The following SULT6B1 variants were observed in gnomAD, a reference collection of about 807,000 sequenced individuals.
SULT6B1 encodes the protein sulfotransferase 6B1.
A neutral mutation model predicts 37.2 loss-of-function variants in SULT6B1; 44 were observed. That is an observed-to-expected ratio of 1.18 (90% CI 0.93 to 1.52). The LOEUF (loss-of-function observed/expected upper bound fraction) is 1.52, where lower values mean the gene tolerates loss of function less well. Ranked by LOEUF, SULT6B1 falls within the 40% of genes most tolerant of loss-of-function variation. The pLI, the probability that SULT6B1 is intolerant of heterozygous loss-of-function variation, is 0.00. For missense variants in SULT6B1, 450 were observed against 361.0 expected, an observed-to-expected ratio of 1.25 and a Z score of -2.00; for synonymous variants, 140 against 126.0, an observed-to-expected ratio of 1.11 and a Z score of -0.74.
intron 5 of SULT6B1, among the ~76,000 whole-genome samples, chr2:37,172,090 C>G (rs1406412107): frequency 1.3e-5 from 2 of 150,528 alleles, no homozygotes; most frequent in African/African-American, 2.5e-5. Context: ...CTCTGCTGCC[C>G]AGACTAGAGT....
chr2:37,191,227 T>C (rs1676772997), upstream of SULT6B1: 1 of 123,646 alleles, frequency 8.1e-6, no homozygotes. Context: ...TTACCTGCTA[T>C]GAGAAACAAG....
chr2:37,186,525 A>G lies in SULT6B1; in HGVS notation c.312+830T>C, dbSNP rs542467011. Among the ~76,000 whole-genome samples the G allele has an allele frequency of 1.4e-4, 21 of 152,178 alleles. No individual in the cohort carries two copies. In the South Asian group the frequency reaches 4.4e-3, roughly 32 times the overall value. ...TCCCCTTCACACACATCAGTGGCGTACTCTCTGAGCTAATGCTTGATTCCT... is the reference window on the plus strand; with the variant it reads ...TCCCCTTCACACACATCAGTGGCGTGCTCTCTGAGCTAATGCTTGATTCCT... On this transcript the variant is annotated intron_variant, in intron 2 of 6. Coordinates refer to ENST00000535679, the MANE Select transcript of SULT6B1 (RefSeq NM_001367551.1).
upstream of SULT6B1, among the ~76,000 whole-genome samples, chr2:37,188,894 T>A (rs868340523): frequency 4.6e-5 from 7 of 152,138 alleles, no homozygotes; most frequent in African/African-American, 1.7e-4. Flanking sequence ...ACCTGCCCAA[T>A]GAAAGTAAGA....
intron 6 of SULT6B1, among the ~76,000 whole-genome samples, chr2:37,170,602 C>G (rs984399129): frequency 6.6e-6 from 1 of 151,676 alleles, no homozygotes. Context: ...AACCCTGTCT[C>G]TATTAAAAAT....
At chr2:37,187,332 G>A (rs749443681) in intron 2 of SULT6B1, 23 bp downstream of exon 2, 4 of 1,420,610 alleles carry the variant, frequency 2.8e-6, no homozygotes, top group East Asian at 2.3e-5. Context: ...TTTGCTGTAA[G>A]GTTAAAGGCT....
At chr2:37,168,607 C>G (rs1676231741) in intron 6 of SULT6B1, among the ~76,000 whole-genome samples, 1 of 152,188 alleles carries the variant, frequency 6.6e-6, no homozygotes. Flanking sequence ...AACCCTATTC[C>G]TCTCCAAACA....
intron 4 of SULT6B1, among the ~76,000 whole-genome samples, chr2:37,176,068 C>G (rs909160332): frequency 1.3e-5 from 2 of 152,074 alleles, no homozygotes; most frequent in Admixed American, 1.3e-4. Flanking sequence ...GGTTAGTGGC[C>G]TACCACATTG....
chr2:37,186,976 A>G (rs74750455), intron 2 of SULT6B1, among the ~76,000 whole-genome samples: 3,536 of 152,264 alleles, frequency 0.023, 66 homozygotes, highest in Middle Eastern at 0.055. Context: ...CAGAGATGAG[A>G]CTTTTCTGTT....
chr2:37,183,021 T>C (rs903126603), intron 3 of SULT6B1, among the ~76,000 whole-genome samples: 1 of 152,110 alleles, frequency 6.6e-6, no homozygotes, highest in African/African-American at 2.4e-5. Flanking sequence ...GCTGTCTCTA[T>C]AAAAATTTTA....
intron 4 of SULT6B1, among the ~76,000 whole-genome samples, chr2:37,178,434 C>T (rs753017010): frequency 5.9e-5 from 9 of 152,014 alleles, no homozygotes; most frequent in Non-Finnish European, 1.2e-4. Flanking sequence ...CGGGGTTTTG[C>T]CATGTTGGCC....
upstream of SULT6B1, chr2:37,191,242 T>C (rs374467728): frequency 9.5e-5 from 11 of 116,024 alleles, no homozygotes; most frequent in East Asian, 7.2e-4. Context: ...AACAAGGCCA[T>C]GGCATTTTTC....
At chr2:37,193,275 G>T (rs1406458114), upstream of SULT6B1, among the ~76,000 whole-genome samples, 6 of 145,756 alleles carry the variant, frequency 4.1e-5, no homozygotes, top group African/African-American at 1.3e-4. Context: ...GGCCAACATG[G>T]TGAAACTCTG....
chr2:37,174,062 C>G (rs1008622136), intron 5 of SULT6B1, among the ~76,000 whole-genome samples: 2 of 152,042 alleles, frequency 1.3e-5, no homozygotes, highest in Non-Finnish European at 2.9e-5. Flanking sequence ...CCAGGCACAT[C>G]TGCTGTCCCT....
chr2:37,169,756 G>C (rs1208513516), intron 6 of SULT6B1, among the ~76,000 whole-genome samples: 1 of 152,176 alleles, frequency 6.6e-6, no homozygotes, highest in Non-Finnish European at 1.5e-5. Context: ...GCCTCCCAAA[G>C]TGCTGGGATT....
At chr2:37,168,514 T>A (rs559762384) in intron 6 of SULT6B1, among the ~76,000 whole-genome samples, 1 of 152,308 alleles carries the variant, frequency 6.6e-6, no homozygotes, top group East Asian at 1.9e-4. Flanking sequence ...ACAATATCCA[T>A]TGGGACTCCA....
In SULT6B1 at chr2:37,183,439, C is replaced by G; in HGVS notation, c.388G>C (p.Glu130Gln). The change falls in exon 3 of 7, where the codon GAG (glutamate) becomes CAG (glutamine). Residue 130 changes from glutamate (E) to glutamine (Q), a missense_variant. Physicochemically the swap from Glu to Gln is conservative, Grantham distance 29. Transcript: ENST00000535679. ...AGGACACTCACCTTGGCTTTATTCT[C>G]GAAGATAGACCCAGGTAATTTGTCA... Reference protein sequence around the residue: ...HYDKLPGSIFENKAKILVIFR... With the variant: ...HYDKLPGSIFQNKAKILVIFR... 3 of 1,613,788 alleles carry G rather than the reference C, an allele frequency of 1.9e-6. No homozygotes were observed. The highest frequency in any genetic ancestry group is 2.5e-6 in the Non-Finnish European group (3 of 1,179,786).
At chr2:37,189,125 G>T (rs188649215), upstream of SULT6B1, among the ~76,000 whole-genome samples, 13 of 152,224 alleles carry the variant, frequency 8.5e-5, no homozygotes, top group Admixed American at 4.6e-4. Flanking sequence ...GCAGTCTTAG[G>T]CACTCTCATT....
At chr2:37,191,043 T>C (rs1676769742), upstream of SULT6B1, 2 of 152,014 alleles carry the variant, frequency 1.3e-5, no homozygotes, top group African/African-American at 4.8e-5. Flanking sequence ...AAGTGAGTGA[T>C]TAAAAGATAT....
intron 2 of SULT6B1, among the ~76,000 whole-genome samples, chr2:37,185,135 G>T (rs1293461483): frequency 6.6e-6 from 1 of 152,142 alleles, no homozygotes; most frequent in Non-Finnish European, 1.5e-5. Context: ...GTTATAGACT[G>T]TGGTTTCCAT....
Sources: allele counts gnomAD v4.1 joint callset (sites outside exome capture counted in the v4.1 genomes callset), GRCh38; gene constraint gnomAD v4.1.1; transcripts MANE v1.5; gene names NCBI Gene and HGNC (gene_info 2026-07-23, HGNC 2026-07-21).